XIAP: variants seen among roughly 807,000 people sequenced by gnomAD.
XIAP encodes X-linked inhibitor of apoptosis.
Under a neutral mutation model 33.1 loss-of-function variants are expected in XIAP, and 3 were observed. The observed-to-expected ratio is 0.09, with a 90% CI of 0.04 to 0.23. The LOEUF is 0.23. Ranked by LOEUF, XIAP falls within the 10% of genes least tolerant of loss-of-function variation. The pLI is 1.00. For synonymous variants in XIAP, 98 were observed against 121.3 expected (o/e 0.81, Z 1.26); for missense variants, 264 against 363.0 (o/e 0.73, Z 2.22).
intron 1 of XIAP, among the ~76,000 whole-genome samples, chrX:123,865,712 A>G (rs1410687844): frequency 9.0e-6 from 1 of 110,983 alleles, no homozygotes; most frequent in African/African-American, 3.3e-5. Context: ...CTACAGAGCG[A>G]GACTCCGACT....
At position 123,886,070 on chromosome X, in the gene XIAP, T is replaced by C; in HGVS notation, c.408T>C (p.His136=). ...HFALDRPSET[H]ADYLLRTGQV... ...CCTTAGACAGGCCATCTGAGACACA[T>C]GCAGACTATCTTTTGAGAACTGGGC... Residue 136 remains histidine (H), a synonymous_variant, in exon 2 of 7, where the codon CAT becomes CAC. Coordinates refer to ENST00000371199, the MANE Select transcript of XIAP (RefSeq NM_001167.4). 8.3e-7 allele frequency: 1 copy of C among 1,211,728 alleles called. No homozygotes were observed. Among genetic ancestry groups the C allele is most frequent in the Middle Eastern group, 2.3e-4 (1 of 4,356 alleles).
intron 1 of XIAP, among the ~76,000 whole-genome samples, chrX:123,883,176 G>A (rs995974602): frequency 1.8e-5 from 2 of 110,223 alleles, no homozygotes; most frequent in Admixed American, 1.9e-4. Context: ...TCCGCTCCCC[G>A]GGTTCAAGGC....
chrX:123,876,799 G>A (rs2053249753), intron 1 of XIAP, among the ~76,000 whole-genome samples: 2 of 111,977 alleles, frequency 1.8e-5, no homozygotes, highest in African/African-American at 6.5e-5. Context: ...ATGTTAGGCA[G>A]TCTTCCTAGA....
chrX:123,871,520 CTT>C (rs773491911), intron 1 of XIAP, among the ~76,000 whole-genome samples: 8 of 101,957 alleles, frequency 7.8e-5, no homozygotes, highest in Non-Finnish European at 6.0e-5. Context: ...CTTTTTCTTT[CTT>C]TTTTTTTTTT....
chrX:123,868,194 C>T (rs886318937), intron 1 of XIAP, among the ~76,000 whole-genome samples: 1 of 109,381 alleles, frequency 9.1e-6, no homozygotes, highest in African/African-American at 3.3e-5. Context: ...TGATGGCACG[C>T]GCCTGTGAAG....
At chrX:123,872,368 C>G (rs1340405291) in intron 1 of XIAP, among the ~76,000 whole-genome samples, 1 of 103,909 alleles carries the variant, frequency 9.6e-6, no homozygotes, top group Non-Finnish European at 2.0e-5. Flanking sequence ...TCTCACTTAG[C>G]AAGTCCTTTT....
At chrX:123,860,724 T>G (rs1364153473) in intron 1 of XIAP, among the ~76,000 whole-genome samples, 1 of 112,052 alleles carries the variant, frequency 8.9e-6, no homozygotes, top group East Asian at 2.8e-4. Context: ...CTTTCCAATC[T>G]GCTTTCCCAG....
At chrX:123,882,608 C>T (rs2053313649) in intron 1 of XIAP, among the ~76,000 whole-genome samples, 1 of 112,150 alleles carries the variant, frequency 8.9e-6, no homozygotes, top group Non-Finnish European at 1.9e-5. Flanking sequence ...CTGGATGTTG[C>T]ACATCTGGAC....
At position 123,909,105 on chromosome X, in the gene XIAP, T is replaced by C. The variant is rs1246741680; in HGVS notation, c.*1924T>C. The C allele has an allele frequency of 3.6e-6, 1 of 276,831 alleles. No individual in the cohort carries two copies. The highest frequency in any genetic ancestry group is 3.5e-5 in the South Asian group (1 of 28,474). The allele number at this position is 276,831 out of a possible 1,213,427, so 22.8% of individuals were successfully genotyped here. A position where few individuals can be genotyped will look rare whatever the true frequency, so the allele number is the denominator to read the frequency against. On this transcript the variant is annotated 3_prime_UTR_variant, in exon 7 of 7. Transcript: ENST00000371199. ...GTGCAGTGGAGTGATCTCTGCTCAC[T>C]GCAACCTCCGCCTTCTGGGTTCAAG...
chrX:123,867,534 C>T (rs1487435340), intron 1 of XIAP, among the ~76,000 whole-genome samples: 1 of 108,860 alleles, frequency 9.2e-6, no homozygotes, highest in Non-Finnish European at 1.9e-5. Flanking sequence ...CTACCACGCC[C>T]GGCTAATTTT....
chrX:123,898,295 C>T (rs767810540), intron 5 of XIAP, among the ~76,000 whole-genome samples: 5 of 112,526 alleles, frequency 4.4e-5, no homozygotes, highest in Non-Finnish European at 7.5e-5. Context: ...AGTCTCCTAA[C>T]TGGTCTTTTG....
rs779967919 is a variant in XIAP at position 123,907,979 on chromosome X, C to A, written c.*798C>A. 1 of 373,075 alleles carries A rather than the reference C, an allele frequency of 2.7e-6. No individual in the cohort carries two copies. Among genetic ancestry groups the A allele is most frequent in the Non-Finnish European group, 5.0e-6 (1 of 198,556 alleles). 30.7% of individuals were successfully genotyped at this position (373,075 alleles called of 1,213,427 possible). ...GGGGAGGGGGGGATTGGGGGAGGGG[C>A]CCCAGAGGGGTTTTATAGGGGCCTT... On this transcript the variant is annotated 3_prime_UTR_variant, in exon 7 of 7. Transcript: ENST00000371199.
At chrX:123,880,694 G>A (rs12011446) in intron 1 of XIAP, among the ~76,000 whole-genome samples, 1 of 98,116 alleles carries the variant, frequency 1.0e-5, no homozygotes, top group African/African-American at 3.8e-5. Flanking sequence ...TTGAGATCAC[G>A]CCATTTCACT....
At chrX:123,901,124 C>A (rs2148107775) in intron 6 of XIAP, among the ~76,000 whole-genome samples, 1 of 112,058 alleles carries the variant, frequency 8.9e-6, no homozygotes, top group African/African-American at 3.2e-5. Context: ...AATTACTTCC[C>A]AAAGGCCTCA....
intron 5 of XIAP, 136 bp from the exon 6 acceptor site, chrX:123,900,357 T>C: frequency 1.8e-6 from 1 of 546,968 alleles, no homozygotes; most frequent in East Asian, 3.6e-5. Context: ...AAAGCAGCTT[T>C]GCTTTGCTGG....
In XIAP at chrX:123,886,175, G is replaced by A; in HGVS notation, c.513G>A (p.Gln171=). 8.3e-7 allele frequency: 1 copy of A among 1,211,858 alleles called. No individual in the cohort carries two copies. Among genetic ancestry groups the A allele is most frequent in the Non-Finnish European group, 1.1e-6 (1 of 895,628 alleles). Residue 171 remains glutamine (Q), a synonymous_variant, in exon 2 of 7, where the codon CAG becomes CAA. Coordinates refer to ENST00000371199, the MANE Select transcript of XIAP (RefSeq NM_001167.4). ...YSEEARLKSF[Q]NWPDYAHLTP... is the part of the protein sequence containing the mutation. ...AAGAAGCTAGATTAAAGTCCTTTCA[G>A]AACTGGCCAGACTATGCTCACCTAA...
intron 5 of XIAP, among the ~76,000 whole-genome samples, chrX:123,893,522 G>A (rs182273763): frequency 2.7e-5 from 3 of 110,136 alleles, no homozygotes; most frequent in East Asian, 5.8e-4. Context: ...GCGAGATTCC[G>A]TCTCAAAAAA....
chrX:123,870,787 C>T (rs1168798058), intron 1 of XIAP, among the ~76,000 whole-genome samples: 1 of 110,436 alleles, frequency 9.1e-6, no homozygotes, highest in African/African-American at 3.3e-5. Flanking sequence ...GACCCTGTCC[C>T]AGAAGAAAAA....
At chrX:123,871,662 TG>T (rs745362990) in intron 1 of XIAP, among the ~76,000 whole-genome samples, 2 of 110,662 alleles carry the variant, frequency 1.8e-5, no homozygotes, top group African/African-American at 6.6e-5. Context: ...GGGTTTTTTT[TG>T]TTTTTTTGTT....
Sources: allele counts gnomAD v4.1 joint callset (sites outside exome capture counted in the v4.1 genomes callset), GRCh38; gene constraint gnomAD v4.1.1; transcripts MANE v1.5; gene names NCBI Gene and HGNC (gene_info 2026-07-23, HGNC 2026-07-21).